The following EPHA6 variants were observed in gnomAD, a reference collection of about 807,000 sequenced individuals.
EPHA6 encodes EPH receptor A6.
EPHA6 carries 50 observed loss-of-function variants against 112.0 expected under a neutral mutation model. The ratio of observed to expected loss-of-function variants is 0.45; its 90% CI spans 0.36 to 0.56. The LOEUF (loss-of-function observed/expected upper bound fraction) is 0.56, where lower values mean the gene tolerates loss of function less well. EPHA6 is among the 20% of genes least tolerant of loss of function. The pLI, the probability that EPHA6 is intolerant of heterozygous loss-of-function variation, is 0.00. For missense variants in EPHA6, 1,280 were observed against 1,417.4 expected, an observed-to-expected ratio of 0.90 and a Z score of 1.56; for synonymous variants, 529 against 490.7, an observed-to-expected ratio of 1.08 and a Z score of -1.03.
At chr3:97,075,219 A>G (rs185906103) in intron 3 of EPHA6, among the ~76,000 whole-genome samples, 4 of 152,196 alleles carry the variant, frequency 2.6e-5, no homozygotes, top group Non-Finnish European at 5.9e-5. Flanking sequence ...AATGACATAT[A>G]GAATATTTCA....
intron 1 of EPHA6, among the ~76,000 whole-genome samples, chr3:96,829,945 G>A (rs950163296): frequency 3.6e-4 from 31 of 87,032 alleles, no homozygotes; most frequent in South Asian, 5.3e-4. Flanking sequence ...ATGTGCGCGC[G>A]CGCGCACACA....
chr3:97,608,154 C>T (rs1263537593), intron 12 of EPHA6, among the ~76,000 whole-genome samples: 1 of 150,626 alleles, frequency 6.6e-6, no homozygotes, highest in Non-Finnish European at 1.5e-5. Context: ...GCACAAAATA[C>T]AAAAGATTAA....
At chr3:96,988,520 A>G (rs1202074607) in intron 3 of EPHA6, among the ~76,000 whole-genome samples, 1 of 152,190 alleles carries the variant, frequency 6.6e-6, no homozygotes, top group Admixed American at 6.5e-5. Flanking sequence ...AATTATTTCT[A>G]TCATATTGAA....
At chr3:97,140,206 T>C (rs971445104) in intron 3 of EPHA6, among the ~76,000 whole-genome samples, 1 of 151,996 alleles carries the variant, frequency 6.6e-6, no homozygotes, top group Non-Finnish European at 1.5e-5. Flanking sequence ...TATGAGATTA[T>C]GTAAAGCAAC....
chr3:97,434,775 T>C (rs2089728534), intron 6 of EPHA6, among the ~76,000 whole-genome samples: 3 of 152,110 alleles, frequency 2.0e-5, no homozygotes, highest in Admixed American at 2.0e-4. Context: ...CTTCACAATC[T>C]GGACCTCAAC....
intron 7 of EPHA6, among the ~76,000 whole-genome samples, chr3:97,450,791 C>T (rs1389693629): frequency 1.3e-5 from 2 of 152,054 alleles, no homozygotes; most frequent in East Asian, 1.9e-4. Context: ...AGCTAATAGC[C>T]TATGCCTTCA....
intron 11 of EPHA6, among the ~76,000 whole-genome samples, chr3:97,572,005 T>TC (rs976178526): frequency 2.6e-5 from 4 of 152,182 alleles, no homozygotes; most frequent in African/African-American, 9.7e-5. Context: ...TTTACTTTTT[T>TC]CCCTCAGTCA....
At chr3:97,520,202 C>T (rs758129973) in intron 10 of EPHA6, among the ~76,000 whole-genome samples, 34 of 152,178 alleles carry the variant, frequency 2.2e-4, no homozygotes, top group Non-Finnish European at 4.1e-4. Flanking sequence ...CTCCTGACCT[C>T]GTGATTCACC....
chr3:97,069,972 G>C (rs184463131), intron 3 of EPHA6, among the ~76,000 whole-genome samples: 232 of 152,236 alleles, frequency 1.5e-3, no homozygotes, highest in African/African-American at 5.4e-3. Flanking sequence ...GCTCTTTCAA[G>C]CTGTGTGGTC....
At chr3:97,334,595 T>G (rs1247020085) in intron 5 of EPHA6, among the ~76,000 whole-genome samples, 1 of 151,802 alleles carries the variant, frequency 6.6e-6, no homozygotes, top group Non-Finnish European at 1.5e-5. Flanking sequence ...TTCTCTCACT[T>G]CAGCCTCTCA....
At chr3:97,741,860 A>G (rs1415572352) in intron 16 of EPHA6, among the ~76,000 whole-genome samples, 1 of 152,112 alleles carries the variant, frequency 6.6e-6, no homozygotes, top group Admixed American at 6.5e-5. Context: ...TTCTTACTGG[A>G]GAGCAGCCTG....
chr3:97,440,140 T>C (rs1429009139), intron 6 of EPHA6, among the ~76,000 whole-genome samples: 3 of 152,150 alleles, frequency 2.0e-5, no homozygotes, highest in African/African-American at 7.2e-5. Flanking sequence ...GACCAAATCG[T>C]ATAAAATTAA....
intron 3 of EPHA6, among the ~76,000 whole-genome samples, chr3:97,035,327 T>G (rs1191016674): frequency 1.3e-5 from 2 of 151,992 alleles, no homozygotes; most frequent in Non-Finnish European, 2.9e-5. Flanking sequence ...CTCACCAGGA[T>G]GCTTTGCAGA....
chr3:96,871,281 G>A (rs536879277), intron 2 of EPHA6, among the ~76,000 whole-genome samples: 5 of 151,972 alleles, frequency 3.3e-5, no homozygotes, highest in African/African-American at 1.2e-4. Flanking sequence ...ATAAGGGAAA[G>A]GACTTGATAA....
intron 6 of EPHA6, among the ~76,000 whole-genome samples, chr3:97,411,833 C>T (rs1293227214): frequency 1.3e-5 from 2 of 151,960 alleles, no homozygotes; most frequent in Non-Finnish European, 2.9e-5. Context: ...GACAGTTGCA[C>T]GGAAGTGTGA....
intron 3 of EPHA6, among the ~76,000 whole-genome samples, chr3:97,107,771 T>C (rs564669073): frequency 6.6e-6 from 1 of 152,274 alleles, no homozygotes; most frequent in East Asian, 1.9e-4. Flanking sequence ...AGAGAATAAA[T>C]ATAGCATATG....
intron 10 of EPHA6, among the ~76,000 whole-genome samples, chr3:97,496,168 C>G (rs980433205): frequency 6.6e-6 from 1 of 152,120 alleles, no homozygotes. Context: ...AAGTGTGAAG[C>G]ACATGGACTT....
At chr3:97,531,568 A>G (rs2107647044) in intron 10 of EPHA6, among the ~76,000 whole-genome samples, 1 of 152,174 alleles carries the variant, frequency 6.6e-6, no homozygotes, top group South Asian at 2.1e-4. Context: ...CTTACTTAAC[A>G]AATATAGCAC....
chr3:96,814,623 G>A lies in EPHA6; in HGVS notation c.-1G>A. 3 of 1,452,382 alleles carry A rather than the reference G, an allele frequency of 2.1e-6. No homozygotes were observed. The highest frequency in any genetic ancestry group is 2.7e-6 in the Non-Finnish European group (3 of 1,101,866). The allele number at this position is 1,452,382 out of a possible 1,614,324, so 90.0% of individuals were successfully genotyped here. A position where few individuals can be genotyped will look rare whatever the true frequency, so the allele number is the denominator to read the frequency against. On this transcript the variant is annotated 5_prime_UTR_variant, in exon 1 of 18. Coordinates refer to ENST00000389672, the MANE Select transcript of EPHA6 (RefSeq NM_001080448.3). ...CTCGCGCAAGCGGGACACTGTGGTG[G>A]ATGCAATTCCCCTCGCCTCCAGCCG... is the stretch of plus-strand genomic sequence containing the variant.
Sources: gnomAD v4.1 joint callset for allele counts (sites outside exome capture counted in the v4.1 genomes callset) on GRCh38, gnomAD v4.1.1 for gene constraint, MANE v1.5 for transcripts, NCBI Gene and HGNC (gene_info 2026-07-23, HGNC 2026-07-21) for gene names.